MYRIP: variants seen among roughly 807,000 people sequenced by gnomAD.
MYRIP encodes the protein rab effector MyRIP.
Under a neutral mutation model 98.0 loss-of-function variants are expected in MYRIP, and 49 were observed. The ratio of observed to expected loss-of-function variants is 0.50; its 90% confidence interval spans 0.40 to 0.63. MYRIP has a LOEUF of 0.63. Ranked by LOEUF, MYRIP falls within the 30% of genes least tolerant of loss-of-function variation. The pLI is 0.00. For missense variants in MYRIP, 1,004 were observed against 1,058.2 expected (o/e 0.95, Z 0.71); for synonymous variants, 404 against 409.5 (o/e 0.99, Z 0.16).
chr3:40,039,565 G>T (rs1019282825), intron 2 of MYRIP, among the ~76,000 whole-genome samples: 2 of 152,028 alleles, frequency 1.3e-5, no homozygotes, highest in African/African-American at 4.8e-5. Flanking sequence ...AGAACAAAAG[G>T]CCCATTGGAG....
chr3:40,183,848 A>G (rs1950956255), intron 9 of MYRIP, among the ~76,000 whole-genome samples: 1 of 152,244 alleles, frequency 6.6e-6, no homozygotes, highest in Admixed American at 6.5e-5. Context: ...TTGTGCTATT[A>G]TTTCTACTCT....
At chr3:39,842,560 T>C (rs1035501661) in intron 1 of MYRIP, among the ~76,000 whole-genome samples, 4 of 152,002 alleles carry the variant, frequency 2.6e-5, no homozygotes, top group Admixed American at 2.6e-4. Flanking sequence ...CTGCCCAACT[T>C]TGTGGTTGAA....
chr3:40,230,051 C>G, intron 11 of MYRIP, among the ~76,000 whole-genome samples: 1 of 152,198 alleles, frequency 6.6e-6, no homozygotes, highest in Non-Finnish European at 1.5e-5. Flanking sequence ...CAGCCATTTT[C>G]ATTCCATCAT....
At chr3:39,822,881 T>TTA (rs1941145655) in intron 1 of MYRIP, among the ~76,000 whole-genome samples, 1 of 149,974 alleles carries the variant, frequency 6.7e-6, no homozygotes, top group African/African-American at 2.4e-5. Flanking sequence ...TTTTTTTTTT[T>TTA]ATGGCTGAAT....
At chr3:40,009,479 G>T (rs566704478) in intron 2 of MYRIP, among the ~76,000 whole-genome samples, 2 of 151,950 alleles carry the variant, frequency 1.3e-5, no homozygotes, top group African/African-American at 4.8e-5. Flanking sequence ...CTCATGATCC[G>T]CCCGCCTCGG....
chr3:39,952,020 T>G (rs1404599862), intron 2 of MYRIP, among the ~76,000 whole-genome samples: 2 of 152,190 alleles, frequency 1.3e-5, no homozygotes, highest in African/African-American at 4.8e-5. Context: ...ATTTTCACTA[T>G]CCTCAAAAGT....
intron 3 of MYRIP, among the ~76,000 whole-genome samples, chr3:40,143,195 A>G (rs1010623819): frequency 6.6e-6 from 1 of 152,244 alleles, no homozygotes; most frequent in African/African-American, 2.4e-5. Flanking sequence ...CCCTCAATAC[A>G]TAGTGAAAGA....
intron 3 of MYRIP, among the ~76,000 whole-genome samples, chr3:40,106,326 A>C (rs1190823956): frequency 6.6e-6 from 1 of 152,048 alleles, no homozygotes. Flanking sequence ...CAGAAGAGTT[A>C]AGAAGAATTT....
chr3:39,841,126 T>A (rs1305871763), intron 1 of MYRIP, among the ~76,000 whole-genome samples: 1 of 151,500 alleles, frequency 6.6e-6, no homozygotes, highest in East Asian at 2.1e-4. Context: ...TTTTTTCACA[T>A]AGTCCCATAT....
chr3:40,201,886 C>T (rs992699391), intron 10 of MYRIP, among the ~76,000 whole-genome samples: 1 of 152,128 alleles, frequency 6.6e-6, no homozygotes, highest in Non-Finnish European at 1.5e-5. Context: ...AAACTTCTAC[C>T]TTTAGACACC....
intron 3 of MYRIP, among the ~76,000 whole-genome samples, chr3:40,067,440 C>G (rs1948145683): frequency 6.6e-6 from 1 of 152,160 alleles, no homozygotes; most frequent in African/African-American, 2.4e-5. Flanking sequence ...GGGGTTACTA[C>G]TGACCTCTGG....
At chr3:39,984,913 G>A (rs1178647573) in intron 2 of MYRIP, among the ~76,000 whole-genome samples, 7 of 151,282 alleles carry the variant, frequency 4.6e-5, no homozygotes, top group African/African-American at 7.3e-5. Flanking sequence ...TTTAATGATT[G>A]CCATTCTAAC....
rs551251216 is a variant in MYRIP, at chr3:40,062,412, G to A, written c.332+18141G>A. ...TTGAAGATCAGATGGTCATAGGTGT[G>A]CAGCCTTAGTTCTGAAAGCCCTACT... is the stretch of plus-strand genomic sequence containing the variant. On this transcript the variant is annotated intron_variant, in intron 3 of 16. Coordinates refer to ENST00000302541, the MANE Select transcript of MYRIP (RefSeq NM_015460.4). Among the ~76,000 whole-genome samples the A allele has an allele frequency of 1.1e-3, 175 of 152,218 alleles. 2 individuals are homozygous for A. The South Asian group carries it at 0.034, about 29-fold the overall frequency.
chr3:39,842,753 A>C (rs55729520), intron 1 of MYRIP, among the ~76,000 whole-genome samples: 32,359 of 151,256 alleles, frequency 0.21, 3,499 homozygotes, highest in South Asian at 0.29. Flanking sequence ...TGAGGTGATT[A>C]CCCCCCCTGC....
intron 7 of MYRIP, among the ~76,000 whole-genome samples, chr3:40,169,223 C>A (rs1327183636): frequency 2.0e-5 from 3 of 152,180 alleles, no homozygotes; most frequent in Non-Finnish European, 4.4e-5. Flanking sequence ...TGGCTGGGTC[C>A]CCACCCTGCC....
intron 2 of MYRIP, among the ~76,000 whole-genome samples, chr3:40,026,651 C>T (rs1465463487): frequency 6.6e-6 from 1 of 152,182 alleles, no homozygotes; most frequent in Non-Finnish European, 1.5e-5. Context: ...CTTACTGCAA[C>T]AATGAGGGAT....
chr3:40,084,406 A>C lies in MYRIP; in HGVS notation c.332+40135A>C, dbSNP rs911115303. On this transcript the variant is annotated intron_variant, in intron 3 of 16. Coordinates refer to ENST00000302541, the MANE Select transcript of MYRIP (RefSeq NM_015460.4). ...ATATATCGATAGATAATACACATCTATGTATTATCTATCGGTAGATAATAC... is the reference window on the plus strand; with the variant it reads ...ATATATCGATAGATAATACACATCTCTGTATTATCTATCGGTAGATAATAC... Among the ~76,000 whole-genome samples, 60 of 137,686 alleles carry C rather than the reference A, an allele frequency of 4.4e-4. 13 individuals are homozygous for C. Among genetic ancestry groups the C allele is most frequent in the Non-Finnish European group, 7.1e-4 (45 of 63,210 alleles). The allele number at this position is 137,686 out of a possible 152,430, so 90.3% of individuals were successfully genotyped here.
intron 3 of MYRIP, among the ~76,000 whole-genome samples, chr3:40,149,131 G>T (rs1037079548): frequency 2.0e-5 from 3 of 152,312 alleles, no homozygotes; most frequent in Admixed American, 6.5e-5. Flanking sequence ...AAAGAGGTTT[G>T]TTTGGCTCAT....
chr3:39,874,320 A>C (rs887208228), intron 1 of MYRIP, among the ~76,000 whole-genome samples: 1 of 151,926 alleles, frequency 6.6e-6, no homozygotes. Flanking sequence ...TTCCTAATTG[A>C]ATACCCTTTA....
Sources: gnomAD v4.1 joint callset for allele counts (sites outside exome capture counted in the v4.1 genomes callset) on GRCh38, gnomAD v4.1.1 for gene constraint, MANE v1.5 for transcripts, NCBI Gene and HGNC (gene_info 2026-07-23, HGNC 2026-07-21) for gene names.